Variants in KIR2DL1 observed in about 807,000 individuals in gnomAD.
KIR2DL1 encodes the protein killer cell immunoglobulin-like receptor 2DL1.
KIR2DL1 carries 38 observed loss-of-function variants against 33.9 expected under a neutral mutation model. The observed-to-expected ratio is 1.12, with a 90% confidence interval of 0.86 to 1.47. KIR2DL1 has a LOEUF of 1.47. KIR2DL1 is among the 40% of genes most tolerant of loss of function. The pLI is 0.00. For synonymous variants in KIR2DL1, 179 were observed against 165.9 expected (o/e 1.08, Z -0.61); for missense variants, 531 against 433.9 (o/e 1.22, Z -1.99).
chr19:54,770,751 G>C lies in KIR2DL1; in HGVS notation c.35-98G>C, dbSNP rs568252487. 3.8e-5 allele frequency: 56 copies of C among 1,492,044 alleles called. 3 individuals carry two copies. The South Asian group carries it at 5.5e-4, about 15-fold the overall frequency. The allele number at this position is 1,492,044 out of a possible 1,614,324, so 92.4% of individuals were successfully genotyped here. ...TGAGGGTGAGTTTACCTTCAGCCCAGGAAGGGCCTGGCTACCAAGACTCAC... is the reference window on the plus strand; with the variant it reads ...TGAGGGTGAGTTTACCTTCAGCCCACGAAGGGCCTGGCTACCAAGACTCAC... On this transcript the variant is annotated intron_variant, in intron 1 of 7. Transcript: ENST00000336077.
chr19:54,781,324 TC>T (rs1425898062), intron 5 of KIR2DL1, among the ~76,000 whole-genome samples: 101 of 149,618 alleles, frequency 6.8e-4, no homozygotes, highest in African/African-American at 2.1e-3. Flanking sequence ...TAAAACCTCT[TC>T]CCTATTTGGC....
At chr19:54,772,668 T>C (rs2075876222) in intron 2 of KIR2DL1, among the ~76,000 whole-genome samples, 2 of 144,526 alleles carry the variant, frequency 1.4e-5, no homozygotes, top group African/African-American at 5.1e-5. Flanking sequence ...ACCACACCAC[T>C]TCACTCCAGC....
chr19:54,778,235 A>G (rs534898258), intron 4 of KIR2DL1, among the ~76,000 whole-genome samples: 6 of 149,076 alleles, frequency 4.0e-5, no homozygotes, highest in African/African-American at 9.8e-5. Context: ...CTCCAGCCTG[A>G]GTGACAGAGC....
chr19:54,781,969 A>C (rs1336656568), intron 5 of KIR2DL1, among the ~76,000 whole-genome samples: 5 of 152,110 alleles, frequency 3.3e-5, no homozygotes, highest in Admixed American at 6.5e-5. Flanking sequence ...ACTCACCGTC[A>C]CTCCAGGGAG....
chr19:54,769,865 C>A lies in KIR2DL1; in HGVS notation c.15C>A (p.Val5=). 1 of 1,569,478 alleles carries A rather than the reference C, an allele frequency of 6.4e-7. No individual in the cohort carries two copies. Among genetic ancestry groups the A allele is most frequent in the South Asian group, 1.1e-5 (1 of 89,268 alleles). MSLL[V]VSMACVGFFL... ...CCGGCAGCACCATGTCGCTCTTGGTCGTCAGCATGGCGTGTGTTGGTGAGT... is the reference window on the plus strand; with the variant it reads ...CCGGCAGCACCATGTCGCTCTTGGTAGTCAGCATGGCGTGTGTTGGTGAGT... The change falls in exon 1 of 8, where the codon GTC becomes GTA. Residue 5 remains valine, a synonymous_variant. Transcript: ENST00000336077.
At chr19:54,773,092 A>T (rs1214074555) in intron 2 of KIR2DL1, among the ~76,000 whole-genome samples, 31 of 148,746 alleles carry the variant, frequency 2.1e-4, no homozygotes, top group Middle Eastern at 3.5e-3. Flanking sequence ...ACAGCCCAAG[A>T]GATGAGGCTG....
intron 2 of KIR2DL1, among the ~76,000 whole-genome samples, chr19:54,772,315 G>A (rs2075824219): frequency 6.8e-6 from 1 of 147,562 alleles, no homozygotes; most frequent in Non-Finnish European, 1.5e-5. Context: ...AGCCATGAAT[G>A]CAGGTGGCCT....
intron 5 of KIR2DL1, among the ~76,000 whole-genome samples, chr19:54,780,697 A>G (rs544349971): frequency 6.8e-4 from 96 of 141,900 alleles, no homozygotes; most frequent in South Asian, 2.0e-3. Context: ...GTAGATGGAT[A>G]TAAGATATGT....
At chr19:54,783,450 C>T in intron 6 of KIR2DL1, 36 bp from the exon 7 acceptor site, 37 of 1,608,576 alleles carry the variant, frequency 2.3e-5, no homozygotes, top group Non-Finnish European at 3.0e-5. Flanking sequence ...CCAGAAGTGC[C>T]CTCCGAGCTG....
rs1569169934 is a variant in KIR2DL1, at chr19:54,773,398, A to G, written c.136A>G (p.Ile46Val). The G allele has an allele frequency of 3.1e-6, 5 of 1,595,552 alleles. No individual in the cohort carries two copies. In the East Asian group the frequency reaches 6.7e-5, roughly 21 times the overall value. The change falls in exon 3 of 8, where the codon ATC becomes GTC. Residue 46 changes from isoleucine (I) to valine (V), a missense_variant. By Grantham distance (29) the Ile-to-Val change is conservative. Transcript: ENST00000336077. ...CCTGGTGAAATCAGAAGAGACAGTC[A>G]TCCTGCAGTGTTGGTCAGATGTCAT... is the stretch of plus-strand genomic sequence containing the variant. ...GRLVKSEETV[I>V]LQCWSDVMFE...
chr19:54,782,139 G>A (rs1478466162), intron 5 of KIR2DL1, among the ~76,000 whole-genome samples: 5 of 151,986 alleles, frequency 3.3e-5, no homozygotes, highest in South Asian at 4.1e-4. Flanking sequence ...GTAGCTGCGG[G>A]AAGCCAGAAA....
Position 54,770,032 on chromosome 19 carries a change from G to T in KIR2DL1, c.34+148G>T. The T allele has an allele frequency of 6.8e-6, 7 of 1,024,838 alleles. No homozygotes were observed. In the South Asian group the frequency reaches 9.2e-5, roughly 13 times the overall value. The allele number at this position is 1,024,838 out of a possible 1,614,324, so 63.5% of individuals were successfully genotyped here. ...ATATGGGCCTAGAGATGGAGTGATG[G>T]GCCTAGAAGTGGAGATCTGGGCCCA... On this transcript the variant is annotated intron_variant, in intron 1 of 7. Coordinates refer to ENST00000336077, the MANE Select transcript of KIR2DL1 (RefSeq NM_014218.3).
Position 54,769,912 on chromosome 19 carries a change from G to A in KIR2DL1, c.34+28G>A, listed in dbSNP as rs183874339. 92 of 1,556,844 alleles carry A rather than the reference G, an allele frequency of 5.9e-5. 6 individuals carry two copies. In the East Asian group the frequency reaches 2.0e-3, roughly 33 times the overall value. On this transcript the variant is annotated intron_variant, in intron 1 of 7. Coordinates refer to ENST00000336077, the MANE Select transcript of KIR2DL1 (RefSeq NM_014218.3). ...GAGTCCTGGAAAGCAATAGAGGGAGGGAGTGAGGGGATGGAGATCTGGGCC... is the reference window on the plus strand; with the variant it reads ...GAGTCCTGGAAAGCAATAGAGGGAGAGAGTGAGGGGATGGAGATCTGGGCC...
At chr19:54,779,807 T>C (rs2076756343) in intron 5 of KIR2DL1, among the ~76,000 whole-genome samples, 1 of 146,330 alleles carries the variant, frequency 6.8e-6, no homozygotes, top group Non-Finnish European at 1.5e-5. Flanking sequence ...ATATTGCAGA[T>C]GGTTAAATGG....
At position 54,780,344 on chromosome 19, in the gene KIR2DL1, A is replaced by C. The variant is rs150526300; in HGVS notation, c.715+1682A>C. On this transcript the variant is annotated intron_variant, in intron 5 of 7. Coordinates refer to ENST00000336077, the MANE Select transcript of KIR2DL1 (RefSeq NM_014218.3). ...ATTGGCGGAAGGATTTTGCACACAC[A>C]GCTGTCAGCCATGAAGGCACAAAGG... Among the ~76,000 whole-genome samples, 589 of 133,344 alleles carry C rather than the reference A, an allele frequency of 4.4e-3. 89 individuals are homozygous for C. Among genetic ancestry groups the C allele is most frequent in the Non-Finnish European group, 7.9e-3 (480 of 60,978 alleles). 87.5% of individuals were successfully genotyped at this position (133,344 alleles called of 152,430 possible).
In KIR2DL1 at chr19:54,773,562, C is replaced by T. The variant is rs2076002549; in HGVS notation, c.300C>T (p.Cys100=). 3 of 1,582,094 alleles carry T rather than the reference C, an allele frequency of 1.9e-6. No homozygotes were observed. Among genetic ancestry groups the T allele is most frequent in the African/African-American group, 2.7e-5 (2 of 74,034 alleles). Residue 100 remains cysteine (C), a synonymous_variant, in exon 3 of 8, where the codon TGC becomes TGT. Transcript: ENST00000336077. ...MTQDLAGTYR[C]YGSVTHSPYQ... ...AAGACCTGGCAGGGACCTACAGATG[C>T]TACGGTTCTGTTACTCACTCCCCCT...
At position 54,769,920 on chromosome 19, in the gene KIR2DL1, G is replaced by A. The variant is rs761552355; in HGVS notation, c.34+36G>A. 1.3e-6 allele frequency: 2 copies of A among 1,554,182 alleles called. 1 individual carries two copies. The highest frequency in any genetic ancestry group is 1.8e-6 in the Non-Finnish European group (2 of 1,134,108). ...GAAAGCAATAGAGGGAGGGAGTGAG[G>A]GGATGGAGATCTGGGCCCAGAGGTG... On this transcript the variant is annotated intron_variant, in intron 1 of 7. Coordinates refer to ENST00000336077, the MANE Select transcript of KIR2DL1 (RefSeq NM_014218.3).
rs530279048 is a variant in KIR2DL1 at position 54,778,494 on chromosome 19, A to G, written c.665-118A>G. ...AAATTATGGAAAAAAGGATCCCAGG[A>G]CTCCCAGGGCTCAATATTAGATAAG... On this transcript the variant is annotated intron_variant, in intron 4 of 7. Transcript: ENST00000336077. 5 of 1,017,070 alleles carry G rather than the reference A, an allele frequency of 4.9e-6. No individual in the cohort carries two copies. In the Admixed American group the frequency reaches 8.6e-5, roughly 18 times the overall value. The allele number at this position is 1,017,070 out of a possible 1,614,324, so 63.0% of individuals were successfully genotyped here.
chr19:54,770,447 G>A (rs1193565108), intron 1 of KIR2DL1, among the ~76,000 whole-genome samples: 14 of 145,710 alleles, frequency 9.6e-5, no homozygotes, highest in African/African-American at 3.5e-4. Context: ...TGGGACTGGA[G>A]AGGATATATG....
Sources: gnomAD v4.1 joint callset for allele counts (sites outside exome capture counted in the v4.1 genomes callset) on GRCh38, gnomAD v4.1.1 for gene constraint, MANE v1.5 for transcripts, NCBI Gene and HGNC (gene_info 2026-07-23, HGNC 2026-07-21) for gene names.